The following SLC30A10 variants were observed in gnomAD, a reference collection of about 807,000 sequenced individuals.
The protein encoded by SLC30A10 is calcium/manganese antiporter SLC30A10.
In SLC30A10, 8 loss-of-function variants were observed where a neutral mutation model predicts 21.7. The ratio of observed to expected loss-of-function variants is 0.37; its 90% CI spans 0.22 to 0.67. SLC30A10 has a LOEUF of 0.67. Ranked by LOEUF, SLC30A10 falls within the 30% of genes least tolerant of loss-of-function variation. SLC30A10 has a pLI of 0.58. For missense variants in SLC30A10, 521 were observed against 642.5 expected, an observed-to-expected ratio of 0.81 and a Z score of 2.04; for synonymous variants, 272 against 279.4, an observed-to-expected ratio of 0.97 and a Z score of 0.26.
chr1:219,933,552 A>C (rs1042396441), upstream of SLC30A10, among the ~76,000 whole-genome samples: 2 of 152,186 alleles, frequency 1.3e-5, no homozygotes, highest in African/African-American at 4.8e-5. Context: ...CCTGTGAAAT[A>C]GGGATAATAA....
At chr1:219,948,673 A>G (rs865872254) in intron 1 of SLC30A10, among the ~76,000 whole-genome samples, 1 of 152,344 alleles carries the variant, frequency 6.6e-6, no homozygotes, top group Middle Eastern at 3.4e-3. Flanking sequence ...AAGAAAACCT[A>G]TGCATTACCA....
chr1:219,931,628 G>A (rs1197134077), upstream of SLC30A10, among the ~76,000 whole-genome samples: 1 of 152,024 alleles, frequency 6.6e-6, no homozygotes, highest in Non-Finnish European at 1.5e-5. Flanking sequence ...CTACAAGTGT[G>A]CACCACCACA....
chr1:219,939,673 C>T (rs1436309246), intron 1 of SLC30A10, among the ~76,000 whole-genome samples: 1 of 152,178 alleles, frequency 6.6e-6, no homozygotes, highest in Non-Finnish European at 1.5e-5. Flanking sequence ...CATGATCCAC[C>T]CACCTCGGCC....
rs1293644297 is a variant in SLC30A10, at chr1:219,948,149, G to A, written n.80+10419C>T. Among the ~76,000 whole-genome samples the A allele has an allele frequency of 2.0e-5, 3 of 150,998 alleles. No homozygotes were observed. In the East Asian group the frequency reaches 5.8e-4, roughly 29 times the overall value. ...ATGGAAGAACATTCCATGCTCATGG[G>A]TAGGAAGAATCAATATCATGAAAAT... On this transcript the variant is annotated intron_variant and non_coding_transcript_variant, in intron 1 of 8. Transcript: ENST00000484239.
In SLC30A10 at chr1:219,918,517, C is replaced by T; in HGVS notation, c.719-23G>A. 3 of 1,557,088 alleles carry T rather than the reference C, an allele frequency of 1.9e-6. No homozygotes were observed. The highest frequency in any genetic ancestry group is 2.6e-6 in the Non-Finnish European group (3 of 1,150,344). ...CACCTGCCAGGAAGAAAGACTACTG[C>T]AGCACAGATGCAAATCTGGAAGCCA... On this transcript the variant is annotated intron_variant, in intron 2 of 3. Transcript: ENST00000366926. The surrounding 1 kb of genome is among the most constrained non-coding windows in gnomAD (Gnocchi z 4.4).
Position 219,913,170 on chromosome 1 carries a change from T to C in SLC30A10, c.*2279A>G, listed in dbSNP as rs1178918104. Among the ~76,000 whole-genome samples the C allele has an allele frequency of 6.6e-6, 1 of 152,208 alleles. No individual in the cohort carries two copies. Among genetic ancestry groups the C allele is most frequent in the Non-Finnish European group, 1.5e-5 (1 of 68,032 alleles). On this transcript the variant is annotated 3_prime_UTR_variant, in exon 4 of 4. Transcript: ENST00000366926. ...GGCAAATGCAAGCCACTCAACCCAATACAAAATTATTGCACTTAGCATGAT... is the reference window on the plus strand; with the variant it reads ...GGCAAATGCAAGCCACTCAACCCAACACAAAATTATTGCACTTAGCATGAT...
intron 1 of SLC30A10, among the ~76,000 whole-genome samples, chr1:219,953,158 G>A (rs984994485): frequency 7.9e-5 from 12 of 152,344 alleles, no homozygotes; most frequent in African/African-American, 2.6e-4. Context: ...AAAATGCAAA[G>A]TAAAGCTGGT....
At chr1:219,942,424 T>C (rs1279955276) in intron 1 of SLC30A10, among the ~76,000 whole-genome samples, 1 of 151,984 alleles carries the variant, frequency 6.6e-6, no homozygotes, top group Non-Finnish European at 1.5e-5. Flanking sequence ...AAATGAACAA[T>C]CAAATAAACA....
chr1:219,941,482 TC>T (rs1488563263), intron 1 of SLC30A10, among the ~76,000 whole-genome samples: 1 of 151,042 alleles, frequency 6.6e-6, no homozygotes, highest in African/African-American at 2.4e-5. Context: ...GGACCTTCCT[TC>T]CCTTCCTTCC....
intron 2 of SLC30A10, among the ~76,000 whole-genome samples, chr1:219,922,192 T>G (rs1276287667): frequency 0.23 from 4,363 of 18,976 alleles, 789 homozygotes; most frequent in African/African-American, 0.32. Context: ...TTTTTTTTTT[T>G]TTTTTTTTTT....
Position 219,928,212 on chromosome 1 carries a change from C to T in SLC30A10, c.229G>A (p.Ala77Thr). Reference protein sequence around the residue: ...GFSATYGYARAEVVGALSNAV... With the variant: ...GFSATYGYARTEVVGALSNAV... ...TTGCTCAGCGCGCCCACCACCTCGG[C>T]GCGGGCGTAGCCGTAGGTGGCGCTG... The change falls in exon 1 of 4, where the codon GCC becomes ACC. Residue 77 changes from alanine to threonine, a missense_variant. Transcript: ENST00000366926. The surrounding 1 kb of genome is among the most constrained non-coding windows in gnomAD (Gnocchi z 6.3). 6.4e-7 allele frequency: 1 copy of T among 1,561,996 alleles called. No homozygotes were observed.
At chr1:219,958,618 A>C (rs932740787) in exon 1 of SLC30A10, 11 of 152,664 alleles carry the variant, frequency 7.2e-5, no homozygotes, top group African/African-American at 2.7e-4. Context: ...ACAGCAGTCC[A>C]AGAAGATGAC....
intron 1 of SLC30A10, among the ~76,000 whole-genome samples, chr1:219,955,076 A>T (rs1314510352): frequency 1.3e-5 from 2 of 152,208 alleles, no homozygotes; most frequent in Non-Finnish European, 2.9e-5. Context: ...AAGGAATAGG[A>T]AAACGTATAA....
intron 2 of SLC30A10, among the ~76,000 whole-genome samples, chr1:219,921,553 A>G (rs2102528733): frequency 6.6e-6 from 1 of 152,350 alleles, no homozygotes; most frequent in Non-Finnish European, 1.5e-5. Context: ...AATCCACAGT[A>G]AGAATTATGT....
At chr1:219,917,307 ATC>A (rs1349992463) in intron 3 of SLC30A10, among the ~76,000 whole-genome samples, 1 of 152,176 alleles carries the variant, frequency 6.6e-6, no homozygotes, top group East Asian at 1.9e-4. Context: ...TTTTAAAAAT[ATC>A]TGTTTTTAAA....
Position 219,912,806 on chromosome 1 carries a change from C to T in SLC30A10, c.*2643G>A, listed in dbSNP as rs192881526. Reference sequence around the variant, plus strand: ...CCGAGATAGCACCACTGCACTCCAGCCTGGGCGACAGAGCAAGACTCCGTC... The same window carrying T: ...CCGAGATAGCACCACTGCACTCCAGTCTGGGCGACAGAGCAAGACTCCGTC... On this transcript the variant is annotated 3_prime_UTR_variant, in exon 4 of 4. Coordinates refer to ENST00000366926, the MANE Select transcript of SLC30A10 (RefSeq NM_018713.3). Among the ~76,000 whole-genome samples, 228 of 152,170 alleles carry T rather than the reference C, an allele frequency of 1.5e-3. 1 individual carries two copies. Among genetic ancestry groups the T allele is most frequent in the Non-Finnish European group, 2.6e-3 (180 of 68,012 alleles).
intron 1 of SLC30A10, among the ~76,000 whole-genome samples, chr1:219,951,652 C>A (rs900161889): frequency 6.6e-6 from 1 of 151,210 alleles, no homozygotes; most frequent in African/African-American, 2.4e-5. Context: ...ACCCAGGAGG[C>A]GGAGCTTGCA....
upstream of SLC30A10, chr1:219,928,645 G>A (rs1198484121): frequency 5.9e-6 from 3 of 509,830 alleles, no homozygotes; most frequent in South Asian, 6.3e-5. This position sits in a 1 kb window ranked among gnomAD's most constrained non-coding sequence, Gnocchi z 6.3. Context: ...GGAGTGGCGG[G>A]GGCAGTATCT....
intron 1 of SLC30A10, among the ~76,000 whole-genome samples, chr1:219,938,741 C>T (rs1660079044): frequency 6.6e-6 from 1 of 152,256 alleles, no homozygotes; most frequent in Admixed American, 6.5e-5. Flanking sequence ...ATTTATGTGT[C>T]CCTGAAGCCC....
Sources: allele counts gnomAD v4.1 joint callset (sites outside exome capture counted in the v4.1 genomes callset), GRCh38; gene constraint gnomAD v4.1.1; non-coding constraint Gnocchi (gnomAD v3.1); transcripts MANE v1.5; gene names NCBI Gene and HGNC (gene_info 2026-07-23, HGNC 2026-07-21).